The following ADCY3 variants were observed in gnomAD, a reference collection of about 807,000 sequenced individuals.
ADCY3 encodes the protein adenylate cyclase 3, also known as adenylate cyclase type 3.
ADCY3 carries 70 observed loss-of-function variants against 119.4 expected under a neutral mutation model. The observed-to-expected ratio is 0.59, with a 90% CI of 0.48 to 0.72. The LOEUF (loss-of-function observed/expected upper bound fraction) is 0.72, where lower values mean the gene tolerates loss of function less well. ADCY3 is among the 30% of genes least tolerant of loss of function. ADCY3 has a pLI of 0.00. For synonymous variants in ADCY3, 672 were observed against 621.4 expected, an observed-to-expected ratio of 1.08 and a Z score of -1.21; for missense variants, 1,238 against 1,541.6, an observed-to-expected ratio of 0.80 and a Z score of 3.30.
chr2:24,831,230 T>TAAAA (rs5829943), intron 12 of ADCY3, among the ~76,000 whole-genome samples: 37 of 147,478 alleles, frequency 2.5e-4, no homozygotes, highest in South Asian at 4.3e-4. Flanking sequence ...TCATTCTGAT[T>TAAAA]AAAAAAAAAA....
chr2:24,855,563 C>A (rs1260837418), intron 3 of ADCY3, among the ~76,000 whole-genome samples: 1 of 152,146 alleles, frequency 6.6e-6, no homozygotes, highest in Non-Finnish European at 1.5e-5. Flanking sequence ...TTCTCCTCAG[C>A]CTTCAAGTCC....
Position 24,822,508 on chromosome 2 carries a change from T to C in ADCY3, c.3003+3A>G, listed in dbSNP as rs931280783. 2.5e-6 allele frequency: 4 copies of C among 1,613,306 alleles called. No homozygotes were observed. In the African/African-American group the frequency reaches 4.0e-5, roughly 16 times the overall value. On this transcript the variant is annotated splice_donor_region_variant and intron_variant, in intron 19 of 21. Transcript: ENST00000679454. ...CATCTCTCTGGCTACTGGGGTTAGC[T>C]ACCTTGTTGGAGCTGGCAAAGCCAT...
intron 7 of ADCY3, among the ~76,000 whole-genome samples, chr2:24,839,566 C>A (rs777304546): frequency 1.3e-5 from 2 of 152,164 alleles, no homozygotes; most frequent in African/African-American, 2.4e-5. Context: ...GCTGGGGCAG[C>A]CCCCTTAGTG....
At chr2:24,893,823 G>T (rs1677965195) in intron 2 of ADCY3, among the ~76,000 whole-genome samples, 1 of 152,076 alleles carries the variant, frequency 6.6e-6, no homozygotes, top group South Asian at 2.1e-4. Context: ...GCCCAGGCTG[G>T]TCTTGAACTC....
At chr2:24,914,572 G>A (rs1664207350) in intron 2 of ADCY3, among the ~76,000 whole-genome samples, 1 of 152,006 alleles carries the variant, frequency 6.6e-6, no homozygotes, top group Non-Finnish European at 1.5e-5. Context: ...GTACTTGGGA[G>A]GCTGAGGCAG....
At chr2:24,835,928 C>T (rs1055996879) in intron 9 of ADCY3, among the ~76,000 whole-genome samples, 3 of 117,920 alleles carry the variant, frequency 2.5e-5, no homozygotes, top group African/African-American at 6.0e-5. Flanking sequence ...AGCGTGACTC[C>T]ATCTCAAAAA....
chr2:24,899,362 G>C lies in ADCY3; in HGVS notation c.675+18951C>G, dbSNP rs531401731. ...CCCAATAAATAAACCATTCTCTTGC[G>C]ACCAAAGCCCATGTCTGTCTAAGAG... On this transcript the variant is annotated intron_variant, in intron 2 of 21. Transcript: ENST00000679454. The surrounding 1 kb of genome is among the most constrained non-coding windows in gnomAD (Gnocchi z 4.5). Among the ~76,000 whole-genome samples, 206 of 152,244 alleles carry C rather than the reference G, an allele frequency of 1.4e-3. No individual in the cohort carries two copies. The highest frequency in any genetic ancestry group is 4.8e-3 in the African/African-American group (198 of 41,528).
In ADCY3 at chr2:24,918,896, C is replaced by A. The variant is rs1664790242; in HGVS notation, c.92G>T (p.Gly31Val). 1 of 1,612,944 alleles carries A rather than the reference C, an allele frequency of 6.2e-7. No individual in the cohort carries two copies. Among genetic ancestry groups the A allele is most frequent in the Non-Finnish European group, 8.5e-7 (1 of 1,180,016 alleles). ...CGAGATTTCATGGGTCCGGCCCACC[C>A]CGCGGTCAGGGTCGGAGGGCAGGCT... ...SVSLPSDPDRGVGRTHEISVR... is the reference protein window; with the variant it reads ...SVSLPSDPDRVVGRTHEISVR... The change falls in exon 2 of 22, where the codon GGG becomes GTG. Residue 31 changes from glycine to valine, a missense_variant. Gly to Val is a moderately radical substitution (Grantham distance 109). This residue lies in a region of ADCY3 where 227 missense variants were observed against 249.3 expected (regional missense o/e 0.91). Transcript: ENST00000679454. The surrounding 1 kb of genome is among the most constrained non-coding windows in gnomAD (Gnocchi z 5.4).
rs150523719 is a variant in ADCY3, at chr2:24,864,221, G to A, written c.825+8349C>T. Among the ~76,000 whole-genome samples, 721 of 152,234 alleles carry A rather than the reference G, an allele frequency of 4.7e-3. 8 individuals are homozygous for A. Among genetic ancestry groups the A allele is most frequent in the African/African-American group, 0.017 (699 of 41,522 alleles). ...AGGAGAATAGCTTGAACCCGGAGGC[G>A]GAAGCTGCAGTGAGCTGAGATCGCA... is the stretch of plus-strand genomic sequence containing the variant. On this transcript the variant is annotated intron_variant, in intron 3 of 21. Transcript: ENST00000679454.
rs755070756 is a variant in ADCY3 at position 24,824,527 on chromosome 2, G to A, written c.2587C>T (p.Leu863=). ...FYYFSRHVEK[L]ARTLFLWKIE... ...TTCCACAAGAAAAGTGTCCGTGCCA[G>A]TTTTTCTACCTACAGACACAGACAA... is the stretch of plus-strand genomic sequence containing the variant. Residue 863 remains leucine, a synonymous_variant, in exon 17 of 22, where the codon CTG becomes TTG. Transcript: ENST00000679454. 6.2e-7 allele frequency: 1 copy of A among 1,614,114 alleles called. No individual in the cohort carries two copies. Among genetic ancestry groups the A allele is most frequent in the Non-Finnish European group, 8.5e-7 (1 of 1,179,950 alleles).
chr2:24,819,989 G>A lies in ADCY3; in HGVS notation c.3378C>T (p.Ala1126=). Reference sequence around the variant, plus strand: ...TGACAGAGGGGCCATTGGGGAAGGTGGCTAGCTTATCCCGCCCCTTCAAGA... The same window carrying A: ...TGACAGAGGGGCCATTGGGGAAGGTAGCTAGCTTATCCCGCCCCTTCAAGA... The part of the protein sequence containing the change: ...TFFLKGRDKL[A]TFPNGPSVTL... The change falls in exon 22 of 22, where the codon GCC becomes GCT. Residue 1126 remains alanine, a synonymous_variant. Transcript: ENST00000679454. 1 of 1,613,568 alleles carries A rather than the reference G, an allele frequency of 6.2e-7. No individual in the cohort carries two copies.
In ADCY3 at chr2:24,919,264, A is replaced by G. The variant is rs1252035627; in HGVS notation, c.-197-80T>C. On this transcript the variant is annotated intron_variant, in intron 1 of 21. Coordinates refer to ENST00000679454, the MANE Select transcript of ADCY3 (RefSeq NM_004036.5). This position sits in a 1 kb window ranked among gnomAD's most constrained non-coding sequence, Gnocchi z 5.5. ...CCCATGACCCGCCCTAACCCTCATA[A>G]AAGGATCTCTGCTGCAAGAGCCTCC... 2.4e-6 allele frequency: 1 copy of G among 408,882 alleles called. No homozygotes were observed. Among genetic ancestry groups the G allele is most frequent in the African/African-American group, 2.0e-5 (1 of 49,672 alleles). The allele number at this position is 408,882 out of a possible 1,614,324, so 25.3% of individuals were successfully genotyped here. A position where few individuals can be genotyped will look rare whatever the true frequency, so the allele number is the denominator to read the frequency against.
At chr2:24,866,380 T>C (rs1017891629) in intron 3 of ADCY3, among the ~76,000 whole-genome samples, 1 of 151,914 alleles carries the variant, frequency 6.6e-6, no homozygotes, top group African/African-American at 2.4e-5. Flanking sequence ...TGAGACCAGT[T>C]TGGGCAACAC....
intron 6 of ADCY3, chr2:24,840,470 C>CT (rs1670868011): frequency 2.4e-6 from 1 of 419,832 alleles, no homozygotes; most frequent in South Asian, 1.7e-5. Flanking sequence ...ACTACCACCC[C>CT]TGGGGTAAAG....
rs185920316 is a variant in ADCY3 at position 24,820,127 on chromosome 2, G to C, written c.3253-13C>G. ...TTTCTTCTACCACCTGGAGAGGGAG[G>C]GGGAGCAAGAACGTGGCGTTACGGG... On this transcript the variant is annotated splice_polypyrimidine_tract_variant and intron_variant, in intron 21 of 21. Coordinates refer to ENST00000679454, the MANE Select transcript of ADCY3 (RefSeq NM_004036.5). 14 of 1,532,896 alleles carry C rather than the reference G, an allele frequency of 9.1e-6. No individual in the cohort carries two copies. The highest frequency in any genetic ancestry group is 1.4e-5 in the African/African-American group (1 of 71,860). The allele number at this position is 1,532,896 out of a possible 1,614,324, so 95.0% of individuals were successfully genotyped here.
At chr2:24,847,506 C>A (rs573784813) in intron 3 of ADCY3, among the ~76,000 whole-genome samples, 2 of 152,276 alleles carry the variant, frequency 1.3e-5, no homozygotes, top group Non-Finnish European at 2.9e-5. Context: ...GTACGCCCTG[C>A]CCTGGCTCCA....
intron 2 of ADCY3, among the ~76,000 whole-genome samples, chr2:24,907,485 G>A (rs1412779783): frequency 6.6e-6 from 1 of 152,164 alleles, no homozygotes; most frequent in Non-Finnish European, 1.5e-5. Context: ...AGAGGAAGGG[G>A]AAAAGGAAAG....
chr2:24,859,460 C>G (rs1166293129), intron 3 of ADCY3, among the ~76,000 whole-genome samples: 1 of 152,214 alleles, frequency 6.6e-6, no homozygotes, highest in Non-Finnish European at 1.5e-5. Flanking sequence ...TGGCCTCTGG[C>G]TCTGACTCCC....
Position 24,872,803 on chromosome 2 carries a change from T to TG in ADCY3, c.676-85dup. 6.7e-7 allele frequency: 1 copy of TG among 1,500,800 alleles called. No homozygotes were observed. The highest frequency in any genetic ancestry group is 9.1e-7 in the Non-Finnish European group (1 of 1,102,930). The allele number at this position is 1,500,800 out of a possible 1,614,324, so 93.0% of individuals were successfully genotyped here. A position where few individuals can be genotyped will look rare whatever the true frequency, so the allele number is the denominator to read the frequency against. ...GGGATGGAGAAGGGGATGGAGGAGG[T>TG]GGGGTGGGTGGTGACCAAAATCAAA... On this transcript the variant is annotated intron_variant, in intron 2 of 21. Coordinates refer to ENST00000679454, the MANE Select transcript of ADCY3 (RefSeq NM_004036.5). This position sits in a 1 kb window ranked among gnomAD's most constrained non-coding sequence, Gnocchi z 4.4.
Sources: allele counts gnomAD v4.1 joint callset (sites outside exome capture counted in the v4.1 genomes callset), GRCh38; gene constraint gnomAD v4.1.1; regional missense constraint gnomAD v4.1.1; non-coding constraint Gnocchi (gnomAD v3.1); transcripts MANE v1.5; gene names NCBI Gene and HGNC (gene_info 2026-07-23, HGNC 2026-07-21).